ARHGAP42: variants seen among roughly 807,000 people sequenced by gnomAD.
ARHGAP42 encodes Rho GTPase activating protein 42.
In ARHGAP42, 63 loss-of-function variants were observed where a neutral mutation model predicts 125.0. The ratio of observed to expected loss-of-function variants is 0.50; its 90% CI spans 0.41 to 0.62. The LOEUF (loss-of-function observed/expected upper bound fraction) is 0.62. ARHGAP42 is among the 20% of genes least tolerant of loss of function. ARHGAP42 has a pLI of 0.00. For missense variants in ARHGAP42, 766 were observed against 1,024.2 expected (o/e 0.75, Z 3.44); for synonymous variants, 339 against 351.0 (o/e 0.97, Z 0.38).
At chr11:100,903,709 AATAT>A (rs139506492) in intron 4 of ARHGAP42, among the ~76,000 whole-genome samples, 1,008 of 63,156 alleles carry the variant, frequency 0.016, 6 homozygotes, top group Non-Finnish European at 0.022. Context: ...TGTCCCTCAA[AATAT>A]ATATATATAT....
intron 1 of ARHGAP42, among the ~76,000 whole-genome samples, chr11:100,710,949 G>A (rs1413683430): frequency 1.3e-5 from 2 of 152,156 alleles, no homozygotes; most frequent in Non-Finnish European, 2.9e-5. Flanking sequence ...GATCATACTT[G>A]TGTGCACATG....
intron 1 of ARHGAP42, among the ~76,000 whole-genome samples, chr11:100,699,093 G>A (rs75902107): frequency 0.092 from 13,937 of 151,812 alleles, 716 homozygotes; most frequent in African/African-American, 0.12. Flanking sequence ...GTATGATAAC[G>A]TCACCTCCCA....
chr11:100,933,962 T>C (rs909877760), intron 7 of ARHGAP42, among the ~76,000 whole-genome samples: 1 of 152,178 alleles, frequency 6.6e-6, no homozygotes, highest in African/African-American at 2.4e-5. Flanking sequence ...TAATTTTGTA[T>C]TTTTAGTAGA....
intron 12 of ARHGAP42, among the ~76,000 whole-genome samples, chr11:100,952,731 A>G (rs1448997102): frequency 1.5e-4 from 4 of 26,526 alleles, no homozygotes; most frequent in Admixed American, 1.0e-3. Flanking sequence ...CACCTAAGTC[A>G]GGCTTTTTTT....
Position 100,755,886 on chromosome 11 carries a change from A to G in ARHGAP42, c.155-14457A>G, listed in dbSNP as rs536751692. Among the ~76,000 whole-genome samples, 14 of 152,304 alleles carry G rather than the reference A, an allele frequency of 9.2e-5. No homozygotes were observed. In the East Asian group the frequency reaches 2.5e-3, roughly 27 times the overall value. ...GAAAAGGAAGTTGAGGCAGTGCAGTATATGCTGTTTGTCTCATTAGGTTAT... is the reference window on the plus strand; with the variant it reads ...GAAAAGGAAGTTGAGGCAGTGCAGTGTATGCTGTTTGTCTCATTAGGTTAT... On this transcript the variant is annotated intron_variant, in intron 1 of 23. Transcript: ENST00000298815.
intron 1 of ARHGAP42, among the ~76,000 whole-genome samples, chr11:100,743,121 C>T (rs1191568140): frequency 6.6e-6 from 1 of 152,058 alleles, no homozygotes; most frequent in Non-Finnish European, 1.5e-5. Flanking sequence ...TTAAGTGTTA[C>T]TTACTTTGTT....
intron 22 of ARHGAP42, among the ~76,000 whole-genome samples, chr11:100,979,406 A>G (rs1232062571): frequency 6.6e-6 from 1 of 152,170 alleles, no homozygotes; most frequent in Admixed American, 6.5e-5. Flanking sequence ...TGGAGGAATC[A>G]TCATGAATAT....
chr11:100,879,489 G>A (rs1865906427), intron 4 of ARHGAP42, among the ~76,000 whole-genome samples: 1 of 152,076 alleles, frequency 6.6e-6, no homozygotes, highest in Non-Finnish European at 1.5e-5. Flanking sequence ...TTATTTGGTG[G>A]GTTTTGTTTG....
At chr11:100,697,053 TTAA>T (rs1312749230) in intron 1 of ARHGAP42, among the ~76,000 whole-genome samples, 1 of 152,122 alleles carries the variant, frequency 6.6e-6, no homozygotes, top group African/African-American at 2.4e-5. Context: ...ACTTGCTAGA[TTAA>T]TAATAATACT....
intron 4 of ARHGAP42, among the ~76,000 whole-genome samples, chr11:100,879,791 C>G (rs1865912447): frequency 6.6e-6 from 1 of 152,146 alleles, no homozygotes. Context: ...TAGTTTTCCT[C>G]TTTGATCATT....
intron 2 of ARHGAP42, among the ~76,000 whole-genome samples, chr11:100,774,905 C>T (rs559657381): frequency 1.4e-4 from 21 of 152,288 alleles, no homozygotes; most frequent in African/African-American, 4.8e-4. Flanking sequence ...GCCAGTGACA[C>T]ACTGCTGGCT....
At chr11:100,844,850 A>C (rs1865024365) in intron 3 of ARHGAP42, among the ~76,000 whole-genome samples, 1 of 152,160 alleles carries the variant, frequency 6.6e-6, no homozygotes, top group South Asian at 2.1e-4. Context: ...GGGGATGTAA[A>C]CTAGTATAAC....
chr11:100,806,626 T>A (rs1354928549), intron 3 of ARHGAP42, among the ~76,000 whole-genome samples: 9 of 152,138 alleles, frequency 5.9e-5, no homozygotes, highest in Non-Finnish European at 1.3e-4. Context: ...CATCTCAGTG[T>A]CCTACATGCA....
chr11:100,816,614 A>G (rs1864272456), intron 3 of ARHGAP42: 1 of 152,264 alleles, frequency 6.6e-6, no homozygotes, highest in East Asian at 1.9e-4. Flanking sequence ...ACTAATATAA[A>G]GTATGTTTAT....
chr11:100,961,651 C>T (rs945865892), intron 14 of ARHGAP42, 33 bp from the exon 15 acceptor site: 5 of 1,532,974 alleles, frequency 3.3e-6, no homozygotes, highest in African/African-American at 2.8e-5. Context: ...TTTTGAACTG[C>T]ACAATTTAAA....
chr11:100,699,388 T>A (rs1861350464), intron 1 of ARHGAP42, among the ~76,000 whole-genome samples: 1 of 149,902 alleles, frequency 6.7e-6, no homozygotes. Context: ...TAAAATATCT[T>A]AAATTTGATT....
Position 100,958,904 on chromosome 11 carries a change from G to A in ARHGAP42, c.1163-979G>A, listed in dbSNP as rs548745514. On this transcript the variant is annotated intron_variant, in intron 12 of 23. Coordinates refer to ENST00000298815, the MANE Select transcript of ARHGAP42 (RefSeq NM_152432.4). ...TTTTTTCAGTTTTTAGTTTGTTGCT[G>A]TTACCCTTTCTTGATTTTTATCATA... 1.5e-4 allele frequency among the ~76,000 whole-genome samples: 21 copies of A among 137,432 alleles called. No homozygotes were observed. The South Asian group carries it at 5.4e-3, about 36-fold the overall frequency. The allele number at this position is 137,432 out of a possible 152,430, so 90.2% of individuals were successfully genotyped here.
intron 3 of ARHGAP42, among the ~76,000 whole-genome samples, chr11:100,844,649 A>G (rs924493628): frequency 3.3e-5 from 5 of 151,758 alleles, no homozygotes; most frequent in African/African-American, 1.2e-4. Flanking sequence ...GGAATAGACA[A>G]TTCTAAAAGG....
At chr11:100,837,666 CTTTTTTTTTTTTTTTTTTTTT>C in intron 3 of ARHGAP42, among the ~76,000 whole-genome samples, 1 of 61,070 alleles carries the variant, frequency 1.6e-5, no homozygotes, top group Admixed American at 1.9e-4. Context: ...AGGTGTCATC[CTTTTTTTTTTTTTTTTTTTTT>C]TTTTTTTTTT....
Sources: allele counts gnomAD v4.1 joint callset (sites outside exome capture counted in the v4.1 genomes callset), GRCh38; gene constraint gnomAD v4.1.1; transcripts MANE v1.5; gene names NCBI Gene and HGNC (gene_info 2026-07-23, HGNC 2026-07-21).